Variants in EXOC6B observed in about 807,000 individuals in gnomAD.
EXOC6B encodes the protein exocyst complex component 6B, also known as SEC15 homolog B.
Under a neutral mutation model 113.5 loss-of-function variants are expected in EXOC6B, and 54 were observed. That is an observed-to-expected ratio of 0.48 (90% CI 0.38 to 0.60). The LOEUF (loss-of-function observed/expected upper bound fraction) is 0.60. Ranked by LOEUF, EXOC6B falls within the 20% of genes least tolerant of loss-of-function variation. The pLI, the probability that EXOC6B is intolerant of heterozygous loss-of-function variation, is 0.00. For synonymous variants in EXOC6B, 357 were observed against 339.0 expected, an observed-to-expected ratio of 1.05 and a Z score of -0.58; for missense variants, 797 against 977.5, an observed-to-expected ratio of 0.82 and a Z score of 2.46.
At chr2:72,256,936 T>C (rs148351893) in intron 20 of EXOC6B, among the ~76,000 whole-genome samples, 1 of 151,786 alleles carries the variant, frequency 6.6e-6, no homozygotes, top group Non-Finnish European at 1.5e-5. Context: ...TAAAAGCAGG[T>C]ATCTGGAATC....
intron 20 of EXOC6B, among the ~76,000 whole-genome samples, chr2:72,332,007 A>C (rs10205704): frequency 0.027 from 4,070 of 152,212 alleles, 200 homozygotes; most frequent in African/African-American, 0.092. Context: ...TATTCATTAA[A>C]TTGATACTGT....
intron 6 of EXOC6B, among the ~76,000 whole-genome samples, chr2:72,617,772 C>T (rs1439616498): frequency 6.6e-6 from 1 of 152,000 alleles, no homozygotes; most frequent in African/African-American, 2.4e-5. Context: ...GCCTCAGCCG[C>T]CCAAAGTGCT....
At chr2:72,398,367 A>G (rs1190420378) in intron 18 of EXOC6B, among the ~76,000 whole-genome samples, 2 of 152,050 alleles carry the variant, frequency 1.3e-5, no homozygotes, top group African/African-American at 4.8e-5. Context: ...GAACCTACAC[A>G]TTGACTCACC....
intron 18 of EXOC6B, among the ~76,000 whole-genome samples, chr2:72,403,950 C>A (rs1451225959): frequency 6.6e-6 from 1 of 152,120 alleles, no homozygotes; most frequent in Admixed American, 6.5e-5. Flanking sequence ...CAGGGAATTC[C>A]CTTTCCCAGT....
intron 18 of EXOC6B, among the ~76,000 whole-genome samples, chr2:72,441,833 A>G (rs1005010668): frequency 2.0e-5 from 3 of 152,232 alleles, no homozygotes; most frequent in Non-Finnish European, 4.4e-5. Flanking sequence ...TACAAAGAAG[A>G]GCATGTACCA....
At chr2:72,401,580 T>TAC (rs1217691138) in intron 18 of EXOC6B, among the ~76,000 whole-genome samples, 694 of 19,494 alleles carry the variant, frequency 0.036, 58 homozygotes, top group Non-Finnish European at 0.042. Context: ...TATATATATA[T>TAC]ACATATATAT....
At chr2:72,323,732 A>G (rs899956290) in intron 20 of EXOC6B, among the ~76,000 whole-genome samples, 1 of 151,928 alleles carries the variant, frequency 6.6e-6, no homozygotes, top group African/African-American at 2.4e-5. Context: ...AACCAACACA[A>G]GAACAGAGAA....
chr2:72,627,150 AC>A (rs1672102199), intron 6 of EXOC6B, among the ~76,000 whole-genome samples: 1 of 152,124 alleles, frequency 6.6e-6, no homozygotes, highest in Admixed American at 6.6e-5. Flanking sequence ...TCCTACACAG[AC>A]TTTTAGTAAG....
intron 20 of EXOC6B, among the ~76,000 whole-genome samples, chr2:72,277,764 G>C (rs544745728): frequency 1.3e-5 from 2 of 152,182 alleles, no homozygotes; most frequent in South Asian, 4.1e-4. Flanking sequence ...AAAGTGCTGG[G>C]ATTACAGGTG....
rs537936504 is a variant in EXOC6B at position 72,584,019 on chromosome 2, G to A, written c.670-8351C>T. Reference sequence around the variant, plus strand: ...TTGCAGGCATGAACCATCCGCACCCGGCCCCTTAAGGGAGTTCTAAACATG... The same window carrying A: ...TTGCAGGCATGAACCATCCGCACCCAGCCCCTTAAGGGAGTTCTAAACATG... On this transcript the variant is annotated intron_variant, in intron 6 of 21. Transcript: ENST00000272427. Among the ~76,000 whole-genome samples, 15 of 152,028 alleles carry A rather than the reference G, an allele frequency of 9.9e-5. No homozygotes were observed. The South Asian group carries it at 2.1e-3, about 21-fold the overall frequency.
chr2:72,563,981 A>G (rs1704025333), intron 7 of EXOC6B, among the ~76,000 whole-genome samples: 1 of 152,156 alleles, frequency 6.6e-6, no homozygotes, highest in Non-Finnish European at 1.5e-5. Flanking sequence ...AATATTTTCT[A>G]CTATTTTAAA....
intron 6 of EXOC6B, among the ~76,000 whole-genome samples, chr2:72,676,139 AAAG>A (rs1362732570): frequency 1.3e-4 from 20 of 151,920 alleles, no homozygotes; most frequent in East Asian, 1.9e-4. Flanking sequence ...AAAAAAAAAA[AAAG>A]AAGAAGAAGA....
At chr2:72,498,395 CAT>C (rs1025431162) in intron 13 of EXOC6B, 57 bp downstream of exon 13, 4 of 1,171,574 alleles carry the variant, frequency 3.4e-6, no homozygotes, top group Non-Finnish European at 4.9e-6. Context: ...CGCATAAATA[CAT>C]GTGTGTACAC....
intron 20 of EXOC6B, among the ~76,000 whole-genome samples, chr2:72,256,313 G>C (rs1411498576): frequency 6.6e-6 from 1 of 152,200 alleles, no homozygotes; most frequent in African/African-American, 2.4e-5. Flanking sequence ...TGGGTAATTT[G>C]TTATGGCAGC....
At chr2:72,377,371 T>C (rs1691421986) in intron 19 of EXOC6B, among the ~76,000 whole-genome samples, 1 of 152,146 alleles carries the variant, frequency 6.6e-6, no homozygotes, top group Non-Finnish European at 1.5e-5. Context: ...CCAGAGGAGA[T>C]GAAATCAGTT....
chr2:72,319,095 G>T (rs368148465), intron 20 of EXOC6B, among the ~76,000 whole-genome samples: 2 of 151,610 alleles, frequency 1.3e-5, no homozygotes, highest in East Asian at 3.9e-4. Flanking sequence ...AGATTAAAAG[G>T]CTTTAGATAT....
At chr2:72,623,966 T>C (rs1333767429) in intron 6 of EXOC6B, among the ~76,000 whole-genome samples, 1 of 152,174 alleles carries the variant, frequency 6.6e-6, no homozygotes, top group African/African-American at 2.4e-5. Flanking sequence ...GCAGTACACA[T>C]AATGAGTGAG....
intron 10 of EXOC6B, among the ~76,000 whole-genome samples, chr2:72,513,937 CT>C: frequency 6.6e-6 from 1 of 152,022 alleles, no homozygotes; most frequent in Non-Finnish European, 1.5e-5. Context: ...CAATTTAAAT[CT>C]GAAAAAAATA....
intron 18 of EXOC6B, among the ~76,000 whole-genome samples, chr2:72,383,373 T>A (rs1291456616): frequency 6.6e-6 from 1 of 151,958 alleles, no homozygotes; most frequent in African/African-American, 2.4e-5. Context: ...GTCACACATG[T>A]GGCCAACAAG....
Sources: allele counts gnomAD v4.1 joint callset (sites outside exome capture counted in the v4.1 genomes callset), GRCh38; gene constraint gnomAD v4.1.1; transcripts MANE v1.5; gene names NCBI Gene and HGNC (gene_info 2026-07-23, HGNC 2026-07-21).